Variants in KMO observed in about 807,000 individuals in gnomAD.
KMO encodes kynurenine 3-monooxygenase, also known as kynurenine 3-hydroxylase.
In KMO, 24 loss-of-function variants were observed where a neutral mutation model predicts 57.8. The observed-to-expected ratio is 0.42, with a 90% CI of 0.30 to 0.58. KMO has a LOEUF of 0.58. KMO is among the 20% of genes least tolerant of loss of function. The probability of loss-of-function intolerance (pLI) is 0.22; values close to 1 mark genes in which losing one functional copy is unlikely to be tolerated. For missense variants in KMO, 483 were observed against 588.2 expected (o/e 0.82, Z 1.85); for synonymous variants, 210 against 193.6 (o/e 1.08, Z -0.70).
rs142566050 is a variant in KMO at position 241,542,257 on chromosome 1, G to C, written c.55-6572G>C. 1.4e-3 allele frequency among the ~76,000 whole-genome samples: 219 copies of C among 152,250 alleles called. 2 individuals carry two copies. Among genetic ancestry groups the C allele is most frequent in the Non-Finnish European group, 2.4e-4 (16 of 68,010 alleles). On this transcript the variant is annotated intron_variant, in intron 1 of 14. Coordinates refer to ENST00000366559, the MANE Select transcript of KMO (RefSeq NM_003679.5). ...GGAACTGACAGAAAAGCTCAGCAAC[G>C]GAAGACTGGAGAAGCATACCTCAAC...
intron 1 of KMO, among the ~76,000 whole-genome samples, chr1:241,547,738 C>T (rs1452863446): frequency 6.6e-6 from 1 of 152,136 alleles, no homozygotes; most frequent in Non-Finnish European, 1.5e-5. Flanking sequence ...TTTTCAGAAG[C>T]TGCTGGTGTT....
At chr1:241,539,383 C>CAA (rs769776691) in intron 1 of KMO, among the ~76,000 whole-genome samples, 19 of 134,882 alleles carry the variant, frequency 1.4e-4, no homozygotes, top group African/African-American at 5.2e-4. Context: ...GACTCCGTCT[C>CAA]AAAAAAATTC....
chr1:241,541,277 C>T (rs772203831), intron 1 of KMO, among the ~76,000 whole-genome samples: 2 of 152,048 alleles, frequency 1.3e-5, no homozygotes, highest in Non-Finnish European at 2.9e-5. Context: ...TTCATGTATA[C>T]TGGTAGGTAG....
At chr1:241,586,771 T>C (rs764673821) in intron 11 of KMO, 35 bp downstream of exon 11, 3 of 1,475,762 alleles carry the variant, frequency 2.0e-6, no homozygotes, top group South Asian at 2.4e-5. Context: ...GGACATGTAC[T>C]AGCTCTTCTG....
chr1:241,551,404 A>G (rs1337407950), intron 4 of KMO, among the ~76,000 whole-genome samples: 1 of 152,206 alleles, frequency 6.6e-6, no homozygotes, highest in African/African-American at 2.4e-5. Context: ...ACAATCTAGA[A>G]GGTTTCATGA....
intron 7 of KMO, 66 bp downstream of exon 7, chr1:241,562,398 T>C: frequency 2.0e-6 from 3 of 1,489,216 alleles, no homozygotes; most frequent in Non-Finnish European, 2.8e-6. Context: ...ATGCGTATTC[T>C]AGTGCAGTGG....
chr1:241,581,179 ATCT>A (rs1662734992), intron 10 of KMO, among the ~76,000 whole-genome samples: 1 of 152,058 alleles, frequency 6.6e-6, no homozygotes, highest in Non-Finnish European at 1.5e-5. Flanking sequence ...TGCTTGGAAT[ATCT>A]TTTTCCATCC....
chr1:241,586,262 G>A (rs1334077617), intron 10 of KMO, among the ~76,000 whole-genome samples: 1 of 144,140 alleles, frequency 6.9e-6, no homozygotes, highest in Non-Finnish European at 1.5e-5. Context: ...GCAGTGGAGC[G>A]ATCTCGGCTC....
At chr1:241,539,095 G>A (rs1455478966) in intron 1 of KMO, among the ~76,000 whole-genome samples, 1 of 152,022 alleles carries the variant, frequency 6.6e-6, no homozygotes, top group Non-Finnish European at 1.5e-5. Flanking sequence ...AAAATAGTGG[G>A]GATTTGGCTG....
intron 7 of KMO, among the ~76,000 whole-genome samples, chr1:241,564,170 T>G (rs1661988554): frequency 6.6e-6 from 1 of 152,226 alleles, no homozygotes; most frequent in Non-Finnish European, 1.5e-5. Context: ...AAGACTATGC[T>G]GTTTTTTTGG....
intron 9 of KMO, among the ~76,000 whole-genome samples, chr1:241,568,243 C>T (rs756161839): frequency 3.3e-5 from 5 of 152,096 alleles, no homozygotes; most frequent in Admixed American, 6.5e-5. Context: ...ATATATGATA[C>T]AGAAATACTT....
chr1:241,566,942 T>C (rs1359521237), intron 9 of KMO, among the ~76,000 whole-genome samples: 2 of 152,154 alleles, frequency 1.3e-5, no homozygotes, highest in African/African-American at 2.4e-5. Flanking sequence ...TACACAAATC[T>C]TTGGCACAGC....
At chr1:241,567,261 T>C (rs1662118140) in intron 9 of KMO, among the ~76,000 whole-genome samples, 1 of 152,196 alleles carries the variant, frequency 6.6e-6, no homozygotes, top group Admixed American at 6.5e-5. Flanking sequence ...GACAGAAATG[T>C]ATTGCTCGCA....
intron 1 of KMO, among the ~76,000 whole-genome samples, chr1:241,542,928 T>C (rs1486193839): frequency 1.3e-5 from 2 of 152,310 alleles, no homozygotes; most frequent in East Asian, 3.9e-4. Context: ...CTGAAAGCTA[T>C]ATTGTTAGCC....
chr1:241,543,423 C>T (rs1273156080), intron 1 of KMO, among the ~76,000 whole-genome samples: 2 of 152,076 alleles, frequency 1.3e-5, no homozygotes, highest in African/African-American at 4.8e-5. Flanking sequence ...TTATCTGAGT[C>T]TTATTTTTTC....
intron 1 of KMO, among the ~76,000 whole-genome samples, chr1:241,539,180 C>T (rs777816409): frequency 1.2e-4 from 19 of 152,032 alleles, no homozygotes; most frequent in African/African-American, 1.9e-4. Flanking sequence ...CTCAAGAGTT[C>T]GAGACCAGTC....
intron 4 of KMO, among the ~76,000 whole-genome samples, chr1:241,554,816 CAA>C (rs11398893): frequency 2.5e-5 from 3 of 118,372 alleles, no homozygotes; most frequent in African/African-American, 3.5e-5. Context: ...ACTAAAAATA[CAA>C]AAAAAAAAAA....
rs1320677038 is a variant in KMO, at chr1:241,565,026, A to G, written c.655A>G (p.Asn219Asp). 8 of 1,606,996 alleles carry G rather than the reference A, an allele frequency of 5.0e-6. No individual in the cohort carries two copies. In the African/African-American group the frequency reaches 8.0e-5, roughly 16 times the overall value. ...TAATTATCTGCATATTTGGCCTAGAAATACCTTTATGATGATTGCACTTCC... is the reference window on the plus strand; with the variant it reads ...TAATTATCTGCATATTTGGCCTAGAGATACCTTTATGATGATTGCACTTCC... ...EPNYLHIWPRNTFMMIALPNM... is the reference protein window; with the variant it reads ...EPNYLHIWPRDTFMMIALPNM... Residue 219 changes from asparagine (N) to aspartate (D), a missense_variant, in exon 8 of 15, where the codon AAT (asparagine) becomes GAT (aspartate). Coordinates refer to ENST00000366559, the MANE Select transcript of KMO (RefSeq NM_003679.5).
intron 1 of KMO, among the ~76,000 whole-genome samples, chr1:241,539,778 C>T (rs1314705920): frequency 6.6e-6 from 1 of 152,158 alleles, no homozygotes; most frequent in Admixed American, 6.5e-5. Flanking sequence ...GCCCAGGAGC[C>T]AACGGGGCAG....
Sources: allele counts gnomAD v4.1 joint callset (sites outside exome capture counted in the v4.1 genomes callset), GRCh38; gene constraint gnomAD v4.1.1; transcripts MANE v1.5; gene names NCBI Gene and HGNC (gene_info 2026-07-23, HGNC 2026-07-21).